Variants in ARHGAP42 observed in about 807,000 individuals in gnomAD.
ARHGAP42 encodes rho GTPase-activating protein 42.
ARHGAP42 carries 63 observed loss-of-function variants against 125.0 expected under a neutral mutation model. That is an observed-to-expected ratio of 0.50 (90% CI 0.41 to 0.62). The LOEUF is 0.62. Among genes scored for constraint, ARHGAP42 ranks in the 20% least tolerant of loss-of-function variants. The probability of loss-of-function intolerance (pLI) is 0.00; values close to 1 mark genes in which losing one functional copy is unlikely to be tolerated. For missense variants in ARHGAP42, 766 were observed against 1,024.2 expected, an observed-to-expected ratio of 0.75 and a Z score of 3.44; for synonymous variants, 339 against 351.0, an observed-to-expected ratio of 0.97 and a Z score of 0.38.
Position 100,687,664 on chromosome 11 carries a change from G to T in ARHGAP42, c.-15G>T. ...CCCGGACGTGTCCGCGGCCGCCGCT[G>T]GCAGCGCCTGTGCCATGGGGCTGCC... is the stretch of plus-strand genomic sequence containing the variant. On this transcript the variant is annotated 5_prime_UTR_variant, in exon 1 of 24. Transcript: ENST00000298815. 2.8e-6 allele frequency: 4 copies of T among 1,448,314 alleles called. No individual in the cohort carries two copies. The highest frequency in any genetic ancestry group is 3.7e-6 in the Non-Finnish European group (4 of 1,090,966). 89.7% of individuals were successfully genotyped at this position (1,448,314 alleles called of 1,614,324 possible).
chr11:100,892,615 G>T (rs561811155), intron 4 of ARHGAP42, among the ~76,000 whole-genome samples: 1 of 152,214 alleles, frequency 6.6e-6, no homozygotes, highest in African/African-American at 2.4e-5. Flanking sequence ...GAAGATAGTG[G>T]CATTCGTGAA....
At chr11:100,709,307 G>A (rs1861525393) in intron 1 of ARHGAP42, among the ~76,000 whole-genome samples, 2 of 151,424 alleles carry the variant, frequency 1.3e-5, no homozygotes, top group South Asian at 2.1e-4. Flanking sequence ...CCCAGTGAAT[G>A]TTGTTTGTCT....
intron 17 of ARHGAP42, among the ~76,000 whole-genome samples, chr11:100,966,434 G>A (rs988977044): frequency 2.6e-5 from 4 of 152,132 alleles, no homozygotes; most frequent in African/African-American, 4.8e-5. Flanking sequence ...GGGCAGGCTG[G>A]CAGGGAAGAG....
At chr11:100,764,399 C>T (rs980644962) in intron 1 of ARHGAP42, among the ~76,000 whole-genome samples, 2 of 152,164 alleles carry the variant, frequency 1.3e-5, no homozygotes, top group Admixed American at 6.5e-5. Context: ...GTTTGGGAAG[C>T]AGAAAACCTA....
intron 4 of ARHGAP42, among the ~76,000 whole-genome samples, chr11:100,866,365 A>G (rs941984466): frequency 8.5e-5 from 13 of 152,150 alleles, no homozygotes; most frequent in Non-Finnish European, 1.9e-4. Context: ...AACGTTGTCA[A>G]TGGCTTCTAG....
intron 9 of ARHGAP42, 75 bp downstream of exon 9, chr11:100,941,959 A>G (rs1867897742): frequency 1.8e-6 from 2 of 1,125,578 alleles, no homozygotes; most frequent in Non-Finnish European, 1.3e-6. Context: ...CAAAAAAATC[A>G]CATTTGTTTC....
At chr11:100,892,390 A>G (rs1285353375) in intron 4 of ARHGAP42, among the ~76,000 whole-genome samples, 1 of 152,138 alleles carries the variant, frequency 6.6e-6, no homozygotes, top group African/African-American at 2.4e-5. Flanking sequence ...TCAAATTATA[A>G]TCAATAGCAG....
intron 2 of ARHGAP42, 36 bp downstream of exon 2, chr11:100,770,474 T>A: frequency 7.3e-7 from 1 of 1,373,180 alleles, no homozygotes; most frequent in Non-Finnish European, 1.0e-6. Flanking sequence ...CTATTACTAA[T>A]ATTTATTTTA....
chr11:100,886,320 T>C (rs183982622), intron 4 of ARHGAP42, among the ~76,000 whole-genome samples: 71 of 152,312 alleles, frequency 4.7e-4, no homozygotes, highest in Middle Eastern at 3.4e-3. Flanking sequence ...GGGAACAGAC[T>C]TCCTTGAATA....
chr11:100,977,718 C>A (rs1455356605), intron 21 of ARHGAP42, among the ~76,000 whole-genome samples: 1 of 152,122 alleles, frequency 6.6e-6, no homozygotes, highest in East Asian at 1.9e-4. Context: ...TCTGCAGTGT[C>A]CTTTGGAAAT....
At chr11:100,931,746 T>C (rs1231755031) in intron 6 of ARHGAP42, among the ~76,000 whole-genome samples, 1 of 152,198 alleles carries the variant, frequency 6.6e-6, no homozygotes. Context: ...TCTGAAAGGC[T>C]CTAAATCTAA....
At chr11:100,784,547 C>T (rs1177893648) in intron 2 of ARHGAP42, among the ~76,000 whole-genome samples, 3 of 152,110 alleles carry the variant, frequency 2.0e-5, no homozygotes, top group Non-Finnish European at 4.4e-5. Context: ...GATTATTCCT[C>T]ACTCATGCTA....
chr11:100,930,853 G>T (rs1033231005), intron 6 of ARHGAP42, among the ~76,000 whole-genome samples: 1 of 152,164 alleles, frequency 6.6e-6, no homozygotes, highest in African/African-American at 2.4e-5. Flanking sequence ...TGTCTCACAG[G>T]TAGTTCCATG....
chr11:100,763,891 A>G (rs1286981779), intron 1 of ARHGAP42, among the ~76,000 whole-genome samples: 4 of 152,222 alleles, frequency 2.6e-5, no homozygotes, highest in African/African-American at 9.6e-5. Flanking sequence ...ATAGAGTCCA[A>G]CACATGAAGT....
At chr11:100,794,591 A>T (rs946754793) in intron 2 of ARHGAP42, among the ~76,000 whole-genome samples, 9 of 152,160 alleles carry the variant, frequency 5.9e-5, no homozygotes, top group Non-Finnish European at 1.3e-4. Context: ...AGTAAAGTTG[A>T]TCCCTTCAGT....
At chr11:100,877,833 C>T (rs1422938673) in intron 4 of ARHGAP42, among the ~76,000 whole-genome samples, 1 of 151,768 alleles carries the variant, frequency 6.6e-6, no homozygotes, top group African/African-American at 2.4e-5. Flanking sequence ...AGTGAAACCC[C>T]GTCTCCAGTA....
At chr11:100,965,584 TG>T in intron 16 of ARHGAP42, 86 bp from the exon 17 acceptor site, 1 of 1,060,062 alleles carries the variant, frequency 9.4e-7, no homozygotes, top group Non-Finnish European at 1.4e-6. Flanking sequence ...GGGGTAGGAG[TG>T]GTAATTGTGA....
intron 4 of ARHGAP42, among the ~76,000 whole-genome samples, chr11:100,900,897 G>A (rs982311683): frequency 6.6e-6 from 1 of 152,108 alleles, no homozygotes; most frequent in Non-Finnish European, 1.5e-5. Context: ...CTGTCAACTC[G>A]TCAAAATCAT....
At chr11:100,701,528 A>G (rs1464610746) in intron 1 of ARHGAP42, among the ~76,000 whole-genome samples, 1 of 152,238 alleles carries the variant, frequency 6.6e-6, no homozygotes, top group East Asian at 1.9e-4. Flanking sequence ...AGCTTGCTGC[A>G]GCGTCTACAT....
Sources: allele counts gnomAD v4.1 joint callset (sites outside exome capture counted in the v4.1 genomes callset), GRCh38; gene constraint gnomAD v4.1.1; transcripts MANE v1.5; gene names NCBI Gene and HGNC (gene_info 2026-07-23, HGNC 2026-07-21).